Variants in RGS7 observed in about 807,000 individuals in gnomAD.
RGS7 encodes the protein regulator of G protein signaling 7.
In RGS7, 27 loss-of-function variants were observed where a neutral mutation model predicts 81.1. The ratio of observed to expected loss-of-function variants is 0.33; its 90% confidence interval spans 0.25 to 0.46. RGS7 has a LOEUF of 0.46. Among genes scored for constraint, RGS7 ranks in the 20% least tolerant of loss-of-function variants. The pLI is 1.00. For synonymous variants in RGS7, 208 were observed against 207.7 expected (o/e 1.00, Z -0.01); for missense variants, 396 against 607.4 (o/e 0.65, Z 3.66).
chr1:241,084,123 ACC>A (rs2063302954), intron 3 of RGS7, among the ~76,000 whole-genome samples: 1 of 152,226 alleles, frequency 6.6e-6, no homozygotes, highest in Admixed American at 6.5e-5. Context: ...AGTCCATTTT[ACC>A]AAGTTTGCTC....
chr1:241,270,904 G>A (rs1417119367), intron 2 of RGS7, among the ~76,000 whole-genome samples: 4 of 82,732 alleles, frequency 4.8e-5, no homozygotes, highest in Admixed American at 4.4e-4. Context: ...GGCTACAGGA[G>A]CCCACCACCA....
chr1:240,916,274 C>A (rs1315560410), intron 6 of RGS7, among the ~76,000 whole-genome samples: 12 of 119,080 alleles, frequency 1.0e-4, no homozygotes, highest in African/African-American at 2.5e-4. Context: ...GAGACACTGT[C>A]AAAAAAAAAA....
At chr1:241,175,078 A>T (rs1572991209) in intron 2 of RGS7, among the ~76,000 whole-genome samples, 1 of 150,958 alleles carries the variant, frequency 6.6e-6, no homozygotes, top group East Asian at 2.0e-4. Flanking sequence ...AATTTTTTGT[A>T]TTTTTTGTAT....
intron 4 of RGS7, among the ~76,000 whole-genome samples, chr1:240,965,012 G>GTGACTA (rs1312182081): frequency 6.6e-6 from 1 of 152,160 alleles, no homozygotes. Context: ...TACGTTGATG[G>GTGACTA]TGACTAATTA....
At chr1:241,198,177 T>A (rs1376386178) in intron 2 of RGS7, among the ~76,000 whole-genome samples, 3 of 151,942 alleles carry the variant, frequency 2.0e-5, no homozygotes, top group Admixed American at 2.0e-4. Context: ...TAATGTAACA[T>A]CTCAATACTT....
At chr1:241,350,192 A>T (rs2083148762) in intron 2 of RGS7, among the ~76,000 whole-genome samples, 1 of 152,208 alleles carries the variant, frequency 6.6e-6, no homozygotes, top group African/African-American at 2.4e-5. Flanking sequence ...ATGATTACTC[A>T]TAAAATCCTT....
At chr1:241,122,518 C>G (rs988452628) in intron 2 of RGS7, among the ~76,000 whole-genome samples, 28 of 151,938 alleles carry the variant, frequency 1.8e-4, no homozygotes, top group African/African-American at 6.5e-4. Context: ...AAAAATTAGC[C>G]AGGCACGGTG....
At chr1:240,825,327 C>T (rs1462248419) in intron 10 of RGS7, among the ~76,000 whole-genome samples, 1 of 152,144 alleles carries the variant, frequency 6.6e-6, no homozygotes, top group Non-Finnish European at 1.5e-5. Flanking sequence ...GGTGATACTT[C>T]TAAAAAATAT....
rs116161206 is a variant in RGS7 at position 240,929,863 on chromosome 1, A to G, written c.385+854T>C. Among the ~76,000 whole-genome samples the G allele has an allele frequency of 6.0e-3, 912 of 152,314 alleles. 12 individuals are homozygous for G. Among genetic ancestry groups the G allele is most frequent in the African/African-American group, 0.021 (861 of 41,572 alleles). ...TTTAAACATTCACATAATTTTGCAT[A>G]TATCACTCTCCTATTCACTTGACAC... On this transcript the variant is annotated intron_variant, in intron 6 of 18. Transcript: ENST00000440928.
At chr1:240,883,926 A>C (rs1171302736) in intron 6 of RGS7, among the ~76,000 whole-genome samples, 2 of 151,956 alleles carry the variant, frequency 1.3e-5, no homozygotes, top group African/African-American at 4.8e-5. Context: ...AAATACAAAA[A>C]TTAGCCAGGC....
chr1:240,988,386 A>G (rs899560801), intron 3 of RGS7, among the ~76,000 whole-genome samples: 1 of 152,084 alleles, frequency 6.6e-6, no homozygotes, highest in Admixed American at 6.6e-5. Context: ...AATTAAACTC[A>G]GTTTAAAACA....
At chr1:240,985,949 T>TTAAA (rs71172667) in intron 3 of RGS7, among the ~76,000 whole-genome samples, 32,693 of 144,470 alleles carry the variant, frequency 0.23, 3,993 homozygotes, top group East Asian at 0.45. Flanking sequence ...CAGCTTTATA[T>TTAAA]TAAATAAATA....
rs61550139 is a variant in RGS7 at position 241,043,519 on chromosome 1, T to C, written c.175+55147A>G. 3.6e-3 allele frequency among the ~76,000 whole-genome samples: 526 copies of C among 147,988 alleles called. 5 individuals carry two copies. The highest frequency in any genetic ancestry group is 0.012 in the African/African-American group (497 of 40,718). On this transcript the variant is annotated intron_variant, in intron 3 of 18. Coordinates refer to ENST00000440928, the MANE Select transcript of RGS7 (RefSeq NM_001364886.1). ...ATATGGAGGGTCAACTATGATATGA[T>C]ATTAATACATATATAGATATATCAT...
intron 2 of RGS7, among the ~76,000 whole-genome samples, chr1:241,235,628 CT>C (rs2075900734): frequency 2.6e-4 from 16 of 61,024 alleles, no homozygotes; most frequent in Admixed American, 1.5e-3. Flanking sequence ...TCCCTTTTCT[CT>C]CTTTTTTCTT....
chr1:240,988,092 G>A (rs1041350565), intron 3 of RGS7, among the ~76,000 whole-genome samples: 1 of 151,834 alleles, frequency 6.6e-6, no homozygotes, highest in Non-Finnish European at 1.5e-5. Flanking sequence ...TACTCATCAC[G>A]TTTCCACCAT....
intron 2 of RGS7, among the ~76,000 whole-genome samples, chr1:241,318,845 A>G (rs2081045269): frequency 6.6e-6 from 1 of 152,232 alleles, no homozygotes; most frequent in South Asian, 2.1e-4. Context: ...TATTTTAATC[A>G]TTATAAAGCA....
chr1:240,976,556 C>T (rs1402430273), intron 4 of RGS7, among the ~76,000 whole-genome samples: 1 of 152,152 alleles, frequency 6.6e-6, no homozygotes, highest in Non-Finnish European at 1.5e-5. Context: ...TTCATCCCAT[C>T]AGCTGAAGGC....
At chr1:241,010,856 C>T (rs2058923087) in intron 3 of RGS7, among the ~76,000 whole-genome samples, 2 of 152,126 alleles carry the variant, frequency 1.3e-5, no homozygotes, top group Admixed American at 1.3e-4. Flanking sequence ...CCATCAAAGT[C>T]TTGATCCTCT....
At chr1:241,267,199 T>C (rs961144074) in intron 2 of RGS7, among the ~76,000 whole-genome samples, 2 of 152,170 alleles carry the variant, frequency 1.3e-5, no homozygotes, top group African/African-American at 4.8e-5. Context: ...AAAGGATGCA[T>C]ACAAGGTAGA....
Sources: allele counts gnomAD v4.1 joint callset (sites outside exome capture counted in the v4.1 genomes callset), GRCh38; gene constraint gnomAD v4.1.1; transcripts MANE v1.5; gene names NCBI Gene and HGNC (gene_info 2026-07-23, HGNC 2026-07-21).